DGKB: variants seen among roughly 807,000 people sequenced by gnomAD.
The protein encoded by DGKB is 90 kDa diacylglycerol kinase.
DGKB carries 67 observed loss-of-function variants against 114.3 expected under a neutral mutation model. The observed-to-expected ratio is 0.59, with a 90% CI of 0.48 to 0.72. The LOEUF (loss-of-function observed/expected upper bound fraction) is 0.72, where lower values mean the gene tolerates loss of function less well. DGKB is among the 30% of genes least tolerant of loss of function. The pLI, the probability that DGKB is intolerant of heterozygous loss-of-function variation, is 0.00. For missense variants in DGKB, 907 were observed against 975.2 expected, an observed-to-expected ratio of 0.93 and a Z score of 0.93; for synonymous variants, 398 against 323.1, an observed-to-expected ratio of 1.23 and a Z score of -2.49.
chr7:14,396,092 G>A (rs1409456926), intron 21 of DGKB, among the ~76,000 whole-genome samples: 1 of 151,962 alleles, frequency 6.6e-6, no homozygotes, highest in African/African-American at 2.4e-5. Flanking sequence ...AACCTTACAT[G>A]TTGGTTAGGA....
chr7:14,937,217 G>C (rs964259457), intron 1 of DGKB, among the ~76,000 whole-genome samples: 1 of 151,638 alleles, frequency 6.6e-6, no homozygotes, highest in African/African-American at 2.4e-5. Context: ...ATAAAAACAA[G>C]TTTTCATGTT....
At chr7:14,720,473 TTGTGTGTGTGTGTGTGTGTGTG>T (rs61654464) in intron 5 of DGKB, among the ~76,000 whole-genome samples, 2 of 136,482 alleles carry the variant, frequency 1.5e-5, no homozygotes, top group Admixed American at 1.5e-4. Context: ...CCCGGCTGAT[TTGTGTGTGTGTGTGTGTGTGTG>T]TGTGTGTGTG....
chr7:14,727,534 T>C lies in DGKB; in HGVS notation c.322+8507A>G, dbSNP rs914190500. ...ATATAAATAAATATGAATTGGCCAG[T>C]AGACAGAATTTATTTCATCTGTATT... On this transcript the variant is annotated intron_variant, in intron 5 of 25. Coordinates refer to ENST00000402815, the MANE Select transcript of DGKB (RefSeq NM_001350709.2). Among the ~76,000 whole-genome samples, 11 of 152,188 alleles carry C rather than the reference T, an allele frequency of 7.2e-5. No individual in the cohort carries two copies. In the Middle Eastern group the frequency reaches 9.5e-3, roughly 131 times the overall value.
chr7:14,263,945 G>C (rs1399862702), intron 23 of DGKB, among the ~76,000 whole-genome samples: 1 of 152,190 alleles, frequency 6.6e-6, no homozygotes. Flanking sequence ...TATGAGCAGA[G>C]TCCTGGCATT....
intron 13 of DGKB, among the ~76,000 whole-genome samples, chr7:14,634,570 A>T (rs1810380836): frequency 6.6e-6 from 1 of 151,378 alleles, no homozygotes; most frequent in African/African-American, 2.4e-5. Flanking sequence ...TAACACAATA[A>T]CTTCCAGTGT....
At chr7:14,756,076 T>C (rs942800418) in intron 3 of DGKB, among the ~76,000 whole-genome samples, 1 of 151,990 alleles carries the variant, frequency 6.6e-6, no homozygotes, top group African/African-American at 2.4e-5. Flanking sequence ...GACTAAGTCT[T>C]GAGAGTCCTA....
intron 23 of DGKB, among the ~76,000 whole-genome samples, chr7:14,334,788 G>A (rs564195807): frequency 6.6e-6 from 1 of 152,072 alleles, no homozygotes; most frequent in Non-Finnish European, 1.5e-5. Flanking sequence ...ATTCAGAAGA[G>A]GGGGAGGAAA....
intron 4 of DGKB, among the ~76,000 whole-genome samples, chr7:14,737,547 T>G (rs540001429): frequency 6.6e-6 from 1 of 152,220 alleles, no homozygotes; most frequent in South Asian, 2.1e-4. Context: ...TAGTAAATTT[T>G]TATAGATTTG....
intron 21 of DGKB, among the ~76,000 whole-genome samples, chr7:14,368,609 T>G (rs1048833734): frequency 2.1e-5 from 3 of 146,052 alleles, no homozygotes; most frequent in Non-Finnish European, 4.5e-5. Context: ...ATGAAAAAGG[T>G]AGTGTATGTA....
chr7:14,377,781 C>T (rs374718977), intron 21 of DGKB, among the ~76,000 whole-genome samples: 16 of 152,156 alleles, frequency 1.1e-4, no homozygotes, highest in Non-Finnish European at 2.4e-4. Flanking sequence ...TCCCTGGGAT[C>T]TTCCTGGGAT....
At chr7:14,822,546 TA>T (rs1037584645) in intron 2 of DGKB, among the ~76,000 whole-genome samples, 4 of 152,118 alleles carry the variant, frequency 2.6e-5, no homozygotes, top group African/African-American at 9.7e-5. Context: ...ACCTTAGCCT[TA>T]ATAGTTTTAG....
At chr7:14,944,981 C>A (rs1166983974) in intron 1 of DGKB, among the ~76,000 whole-genome samples, 2 of 151,464 alleles carry the variant, frequency 1.3e-5, no homozygotes, top group Non-Finnish European at 2.9e-5. Context: ...AGAAAAATAA[C>A]AAGCATTGAA....
intron 4 of DGKB, chr7:14,750,061 T>C (rs1007264693): frequency 2.0e-6 from 1 of 501,254 alleles, no homozygotes; most frequent in Non-Finnish European, 4.0e-6. Flanking sequence ...CTAAATATGT[T>C]ATATGTGTGC....
chr7:14,672,140 C>T (rs551224295), intron 13 of DGKB, among the ~76,000 whole-genome samples: 1 of 151,844 alleles, frequency 6.6e-6, no homozygotes, highest in African/African-American at 2.4e-5. Context: ...TCTAGGTTGA[C>T]CTTTAGAAAA....
chr7:14,905,585 A>T (rs1284582518), upstream of DGKB, among the ~76,000 whole-genome samples: 3 of 152,168 alleles, frequency 2.0e-5, no homozygotes, highest in South Asian at 4.1e-4. Flanking sequence ...ATAATCATCA[A>T]TTTGTGAAAA....
chr7:14,957,634 G>A (rs1353447661), intron 1 of DGKB, among the ~76,000 whole-genome samples: 1 of 152,032 alleles, frequency 6.6e-6, no homozygotes, highest in South Asian at 2.1e-4. Context: ...ACTGTATCTT[G>A]CTTTGTTAAC....
At chr7:14,742,250 A>G (rs1832685723) in intron 4 of DGKB, among the ~76,000 whole-genome samples, 2 of 152,306 alleles carry the variant, frequency 1.3e-5, no homozygotes, top group South Asian at 4.1e-4. Flanking sequence ...CCTCAGGCCA[A>G]TTATCCAATT....
At chr7:14,420,185 T>C (rs1252879017) in intron 21 of DGKB, among the ~76,000 whole-genome samples, 2 of 151,902 alleles carry the variant, frequency 1.3e-5, no homozygotes, top group African/African-American at 2.4e-5. Flanking sequence ...ATATTTTATA[T>C]AAACAAAATT....
intron 23 of DGKB, among the ~76,000 whole-genome samples, chr7:14,301,131 C>G (rs1803469615): frequency 6.6e-6 from 1 of 152,002 alleles, no homozygotes; most frequent in Non-Finnish European, 1.5e-5. Flanking sequence ...TATCTGTTTG[C>G]AGTCTTTGAT....
Sources: gnomAD v4.1 joint callset for allele counts (sites outside exome capture counted in the v4.1 genomes callset) on GRCh38, gnomAD v4.1.1 for gene constraint, MANE v1.5 for transcripts, NCBI Gene and HGNC (gene_info 2026-07-23, HGNC 2026-07-21) for gene names.